FHIT: variants seen among roughly 807,000 people sequenced by gnomAD.
FHIT encodes bis(5'-adenosyl)-triphosphatase.
FHIT carries 19 observed loss-of-function variants against 17.9 expected under a neutral mutation model. The ratio of observed to expected loss-of-function variants is 1.06; its 90% CI spans 0.74 to 1.56. The LOEUF is 1.56. Ranked by LOEUF, FHIT falls within the 40% of genes most tolerant of loss-of-function variation. The pLI is 0.00. For missense variants in FHIT, 248 were observed against 189.2 expected (o/e 1.31, Z -1.82); for synonymous variants, 81 against 69.7 (o/e 1.16, Z -0.81).
Position 60,336,071 on chromosome 3 carries a change from T to C in FHIT, c.103+200789A>G, listed in dbSNP as rs78320368. Among the ~76,000 whole-genome samples the C allele has an allele frequency of 6.6e-5, 10 of 152,192 alleles. No homozygotes were observed. The East Asian group carries it at 1.9e-3, about 29-fold the overall frequency. ...ACAAGCAAGAAGCTGTTTTTCCACA[T>C]ACTACCAAGTATTAGCATTCAATCA... On this transcript the variant is annotated intron_variant, in intron 5 of 9. Coordinates refer to ENST00000492590, the MANE Select transcript of FHIT (RefSeq NM_002012.4).
At chr3:59,978,228 G>GC (rs1444057677) in intron 7 of FHIT, among the ~76,000 whole-genome samples, 1 of 152,054 alleles carries the variant, frequency 6.6e-6, no homozygotes, top group African/African-American at 2.4e-5. Context: ...AAATTCCAAA[G>GC]CCTGTATGTT....
At chr3:60,864,436 T>A (rs1331408679) in intron 3 of FHIT, among the ~76,000 whole-genome samples, 1 of 152,126 alleles carries the variant, frequency 6.6e-6, no homozygotes, top group South Asian at 2.1e-4. Context: ...GTGCTGTCTC[T>A]CATTGCAGAA....
intron 3 of FHIT, among the ~76,000 whole-genome samples, chr3:60,966,928 T>C (rs1225478715): frequency 1.3e-5 from 2 of 152,186 alleles, no homozygotes; most frequent in Non-Finnish European, 2.9e-5. Context: ...GCTTTTATAG[T>C]TAGAGAGAAT....
chr3:59,957,773 T>C (rs564989158), intron 7 of FHIT, among the ~76,000 whole-genome samples: 26 of 152,338 alleles, frequency 1.7e-4, no homozygotes, highest in African/African-American at 5.0e-4. Flanking sequence ...TACTACTCTA[T>C]GACTTCTGTT....
chr3:60,151,387 T>A (rs536374475), intron 5 of FHIT, among the ~76,000 whole-genome samples: 4 of 152,186 alleles, frequency 2.6e-5, no homozygotes, highest in Non-Finnish European at 5.9e-5. Flanking sequence ...GAAACCACCA[T>A]CACCTGTTTT....
chr3:60,329,383 C>A (rs1441869593), intron 5 of FHIT, among the ~76,000 whole-genome samples: 3 of 152,182 alleles, frequency 2.0e-5, no homozygotes, highest in Non-Finnish European at 4.4e-5. Flanking sequence ...CAATCTGAAC[C>A]ACTACTAGAG....
chr3:59,802,916 T>C (rs561851881), intron 8 of FHIT, among the ~76,000 whole-genome samples: 7 of 152,320 alleles, frequency 4.6e-5, no homozygotes, highest in East Asian at 1.9e-4. Context: ...TATTTATTTA[T>C]TGGAACACTT....
intron 5 of FHIT, among the ~76,000 whole-genome samples, chr3:60,448,860 T>A (rs2031524567): frequency 6.6e-6 from 1 of 152,194 alleles, no homozygotes; most frequent in Admixed American, 6.6e-5. Flanking sequence ...ATGTGTTTAC[T>A]AAGTCTTGCC....
intron 4 of FHIT, among the ~76,000 whole-genome samples, chr3:60,593,031 A>G (rs1553664933): frequency 6.6e-6 from 1 of 152,154 alleles, no homozygotes; most frequent in African/African-American, 2.4e-5. Context: ...ACAGACAGGC[A>G]TAAAGAGAAG....
chr3:60,612,035 T>C (rs1367093196), intron 4 of FHIT, among the ~76,000 whole-genome samples: 1 of 152,146 alleles, frequency 6.6e-6, no homozygotes, highest in Non-Finnish European at 1.5e-5. Flanking sequence ...TCACCTGCTC[T>C]ACCTAATGAT....
chr3:59,916,001 G>A (rs1705118496), intron 8 of FHIT, among the ~76,000 whole-genome samples: 1 of 151,658 alleles, frequency 6.6e-6, no homozygotes, highest in African/African-American at 2.4e-5. Context: ...AGTTAATATT[G>A]AGTGTCAACT....
chr3:60,147,057 G>C (rs1322456065), intron 5 of FHIT, among the ~76,000 whole-genome samples: 1 of 152,142 alleles, frequency 6.6e-6, no homozygotes, highest in Non-Finnish European at 1.5e-5. Flanking sequence ...GAAAAATAAA[G>C]GAGCGGAACT....
At chr3:60,051,360 T>A (rs1477078318) in intron 5 of FHIT, among the ~76,000 whole-genome samples, 1 of 144,172 alleles carries the variant, frequency 6.9e-6, no homozygotes, top group Non-Finnish European at 1.5e-5. Flanking sequence ...GCAGCTGAGC[T>A]TCAGCCAATC....
intron 1 of FHIT, among the ~76,000 whole-genome samples, chr3:61,237,955 AACCC>A (rs1455373234): frequency 1.9e-4 from 29 of 152,186 alleles, no homozygotes; most frequent in African/African-American, 6.5e-4. Context: ...AAGTATAAAT[AACCC>A]ATCTGCACAG....
Position 60,355,396 on chromosome 3 carries a change from GTTA to G in FHIT, c.103+181461_103+181463del, listed in dbSNP as rs1699607754. Among the ~76,000 whole-genome samples the G allele has an allele frequency of 2.6e-5, 4 of 151,446 alleles. No individual in the cohort carries two copies. In the South Asian group the frequency reaches 8.3e-4, roughly 31 times the overall value. On this transcript the variant is annotated intron_variant, in intron 5 of 9. Transcript: ENST00000492590. ...CTTCTTCTTATCTAATCTGTCATCT[GTTA>G]TTTAGTTGTCATTATGAACTTTTTG...
At chr3:60,312,136 C>T (rs1395362354) in intron 5 of FHIT, among the ~76,000 whole-genome samples, 1 of 151,998 alleles carries the variant, frequency 6.6e-6, no homozygotes, top group East Asian at 1.9e-4. Flanking sequence ...CTCTCCTGTA[C>T]TAATGGGATA....
At chr3:60,333,462 G>T (rs1036650561) in intron 5 of FHIT, among the ~76,000 whole-genome samples, 6 of 105,758 alleles carry the variant, frequency 5.7e-5, no homozygotes, top group Non-Finnish European at 7.6e-5. Context: ...TGCCCTAAAA[G>T]GCATATTTGA....
intron 5 of FHIT, among the ~76,000 whole-genome samples, chr3:60,152,976 C>T (rs1008828554): frequency 6.6e-6 from 1 of 152,108 alleles, no homozygotes; most frequent in Non-Finnish European, 1.5e-5. Context: ...CCTGGACATG[C>T]AGTGTGATGA....
chr3:61,071,268 G>A, intron 2 of FHIT, among the ~76,000 whole-genome samples: 1 of 152,146 alleles, frequency 6.6e-6, no homozygotes, highest in East Asian at 1.9e-4. Context: ...CATGAAGAAA[G>A]AGTCCAAACA....
Sources: allele counts gnomAD v4.1 joint callset (sites outside exome capture counted in the v4.1 genomes callset), GRCh38; gene constraint gnomAD v4.1.1; transcripts MANE v1.5; gene names NCBI Gene and HGNC (gene_info 2026-07-23, HGNC 2026-07-21).